The following TMEM266 variants were observed in gnomAD, a reference collection of about 807,000 sequenced individuals.
TMEM266 encodes the protein transmembrane protein 266.
Under a neutral mutation model 50.5 loss-of-function variants are expected in TMEM266, and 33 were observed. That is an observed-to-expected ratio of 0.65 (90% CI 0.50 to 0.87). The LOEUF is 0.87. TMEM266 is among the 40% of genes least tolerant of loss of function. The pLI, the probability that TMEM266 is intolerant of heterozygous loss-of-function variation, is 0.00. For missense variants in TMEM266, 655 were observed against 695.1 expected (o/e 0.94, Z 0.65); for synonymous variants, 310 against 292.3 (o/e 1.06, Z -0.62).
intron 1 of TMEM266, among the ~76,000 whole-genome samples, chr15:76,112,384 G>T (rs1301441653): frequency 2.0e-5 from 3 of 152,168 alleles, no homozygotes; most frequent in Non-Finnish European, 4.4e-5. Context: ...GTAGAGTCTG[G>T]GGAAGGGTAT....
intron 3 of TMEM266, among the ~76,000 whole-genome samples, chr15:76,151,631 A>G (rs1264227619): frequency 6.6e-6 from 1 of 151,726 alleles, no homozygotes; most frequent in Non-Finnish European, 1.5e-5. Flanking sequence ...GGGCTGCTTG[A>G]CCCTGGCTTG....
intron 1 of TMEM266, among the ~76,000 whole-genome samples, chr15:76,069,552 C>T (rs954032367): frequency 2.0e-5 from 3 of 152,152 alleles, no homozygotes; most frequent in African/African-American, 7.2e-5. Flanking sequence ...GGTGTGGTGG[C>T]TCACACCTGT....
At position 76,192,058 on chromosome 15, in the gene TMEM266, C is replaced by G. The variant is rs775280219; in HGVS notation, c.859C>G (p.Leu287Val). The G allele has an allele frequency of 2.0e-6, 3 of 1,512,726 alleles. No individual in the cohort carries two copies. The highest frequency in any genetic ancestry group is 2.6e-6 in the Non-Finnish European group (3 of 1,137,200). The allele number at this position is 1,512,726 out of a possible 1,614,324, so 93.7% of individuals were successfully genotyped here. The change falls in exon 9 of 11, where the codon CTC becomes GTC. Residue 287 changes from leucine (L) to valine (V), a missense_variant. Physicochemically the swap from Leu to Val is conservative, Grantham distance 32. This residue lies in a region of TMEM266 where 455 missense variants were observed against 401.8 expected (regional missense o/e 1.13). Transcript: ENST00000388942. ...AGCGGCGCTCCAGGCCCCGCACGTG[C>G]TCAGCCAGCCGCGCAGCCGCTTCAA...
chr15:76,188,092 C>A (rs1240403553), intron 8 of TMEM266, among the ~76,000 whole-genome samples: 2 of 152,056 alleles, frequency 1.3e-5, no homozygotes, highest in African/African-American at 4.8e-5. Context: ...CCCCCCCACC[C>A]CGCCCCACTG....
intron 4 of TMEM266, among the ~76,000 whole-genome samples, chr15:76,157,675 GA>G (rs1249173912): frequency 1.3e-5 from 2 of 152,196 alleles, no homozygotes; most frequent in Admixed American, 6.5e-5. Context: ...TCAAAAGGTA[GA>G]TCCTTCAAAT....
At chr15:76,097,702 A>C (rs1456445845) in intron 1 of TMEM266, among the ~76,000 whole-genome samples, 9 of 151,962 alleles carry the variant, frequency 5.9e-5, no homozygotes, top group Non-Finnish European at 4.4e-5. Context: ...AGTGTTTTCC[A>C]ACTTGGTACC....
At chr15:76,067,412 G>A (rs1372354614) in intron 1 of TMEM266, among the ~76,000 whole-genome samples, 1 of 151,994 alleles carries the variant, frequency 6.6e-6, no homozygotes, top group Non-Finnish European at 1.5e-5. Context: ...GGAGGCCAAG[G>A]AGGGCGGATC....
intron 9 of TMEM266, among the ~76,000 whole-genome samples, chr15:76,196,260 G>A (rs1448744355): frequency 6.6e-6 from 1 of 152,142 alleles, no homozygotes; most frequent in African/African-American, 2.4e-5. Context: ...CTTCTTCTGG[G>A]GTGTCTCCTG....
chr15:76,197,891 G>A (rs375158454), intron 9 of TMEM266, among the ~76,000 whole-genome samples: 2 of 152,340 alleles, frequency 1.3e-5, no homozygotes, highest in African/African-American at 2.4e-5. Flanking sequence ...TGGGCAGGTC[G>A]GGGGCTCCAC....
Position 76,177,284 on chromosome 15 carries a change from C to G in TMEM266, c.768+1610C>G, listed in dbSNP as rs538755474. 6.6e-5 allele frequency among the ~76,000 whole-genome samples: 10 copies of G among 152,366 alleles called. No individual in the cohort carries two copies. The South Asian group carries it at 2.1e-3, about 32-fold the overall frequency. On this transcript the variant is annotated intron_variant, in intron 8 of 10. Coordinates refer to ENST00000388942, the MANE Select transcript of TMEM266 (RefSeq NM_152335.3). Reference sequence around the variant, plus strand: ...AGCCAGCACTCCGCGCGTTGTAGGTCTTGGTCAATGTGTGTTCAGTGTATG... The same window carrying G: ...AGCCAGCACTCCGCGCGTTGTAGGTGTTGGTCAATGTGTGTTCAGTGTATG...
intron 8 of TMEM266, chr15:76,191,674 C>T: frequency 2.8e-6 from 1 of 358,416 alleles, no homozygotes; most frequent in Non-Finnish European, 5.0e-6. Flanking sequence ...CGTCCAGTGG[C>T]CTTTCCACAA....
chr15:76,098,322 C>T (rs949859666), intron 1 of TMEM266, among the ~76,000 whole-genome samples: 2 of 152,076 alleles, frequency 1.3e-5, no homozygotes, highest in African/African-American at 4.8e-5. Context: ...TGTTAGCTTT[C>T]CTTCTGACAG....
At position 76,078,943 on chromosome 15, in the gene TMEM266, A is replaced by G. The variant is rs143788538; in HGVS notation, c.-97+18927A>G. ...CAAAGCCAAATTCCTTGGCTGCGGC[A>G]GCATAAATCCAATCTCTGTCTCTGT... On this transcript the variant is annotated intron_variant, in intron 1 of 10. Coordinates refer to ENST00000388942, the MANE Select transcript of TMEM266 (RefSeq NM_152335.3). Among the ~76,000 whole-genome samples, 417 of 152,340 alleles carry G rather than the reference A, an allele frequency of 2.7e-3. 2 individuals carry two copies. Among genetic ancestry groups the G allele is most frequent in the African/African-American group, 9.5e-3 (395 of 41,586 alleles).
chr15:76,168,817 T>C lies in TMEM266; in HGVS notation c.457-999T>C, dbSNP rs1415827140. On this transcript the variant is annotated intron_variant, in intron 5 of 10. Transcript: ENST00000388942. This position sits in a 1 kb window ranked among gnomAD's most constrained non-coding sequence, Gnocchi z 4.4. ...TGTGGAGGGTGACGCCCAGAAACCA[T>C]AGGAACACCCAGGAAGGAGGCACCA... Among the ~76,000 whole-genome samples the C allele has an allele frequency of 6.6e-6, 1 of 151,850 alleles. No individual in the cohort carries two copies. Among genetic ancestry groups the C allele is most frequent in the Non-Finnish European group, 1.5e-5 (1 of 67,964 alleles).
chr15:76,111,989 A>G (rs1454811971), intron 1 of TMEM266: 2 of 152,262 alleles, frequency 1.3e-5, no homozygotes, highest in Non-Finnish European at 2.9e-5. Context: ...GATATAGAGA[A>G]ACCTTAAATG....
intron 7 of TMEM266, chr15:76,175,284 A>C: frequency 3.2e-6 from 1 of 316,640 alleles, no homozygotes; most frequent in South Asian, 3.6e-5. Flanking sequence ...GAGGCTGGAA[A>C]ATAGTCTTTA....
At chr15:76,083,233 CT>C (rs3068737) in intron 1 of TMEM266, among the ~76,000 whole-genome samples, 2,159 of 136,142 alleles carry the variant, frequency 0.016, 28 homozygotes, top group Middle Eastern at 0.07. Flanking sequence ...TGCTGATACT[CT>C]TTTTTTTTTT....
At chr15:76,084,144 C>T (rs141657034) in intron 1 of TMEM266, among the ~76,000 whole-genome samples, 3 of 152,056 alleles carry the variant, frequency 2.0e-5, no homozygotes, top group South Asian at 2.1e-4. Flanking sequence ...GAGACCCTCT[C>T]TTTATGAAAA....
intron 3 of TMEM266, among the ~76,000 whole-genome samples, chr15:76,154,998 A>G (rs1011251105): frequency 2.6e-5 from 4 of 152,248 alleles, no homozygotes; most frequent in African/African-American, 9.7e-5. Context: ...TTTTATCATC[A>G]TCGTCGTCAT....
Sources: allele counts gnomAD v4.1 joint callset (sites outside exome capture counted in the v4.1 genomes callset), GRCh38; gene constraint gnomAD v4.1.1; regional missense constraint gnomAD v4.1.1; non-coding constraint Gnocchi (gnomAD v3.1); transcripts MANE v1.5; gene names NCBI Gene and HGNC (gene_info 2026-07-23, HGNC 2026-07-21).